The following PMPCA variants were observed in gnomAD, a reference collection of about 807,000 sequenced individuals.
The protein encoded by PMPCA is mitochondrial-processing peptidase subunit alpha.
In PMPCA, 47 loss-of-function variants were observed where a neutral mutation model predicts 59.3. That is an observed-to-expected ratio of 0.79 (90% confidence interval 0.63 to 1.01). The LOEUF (loss-of-function observed/expected upper bound fraction) is 1.01. PMPCA is among the 50% of genes least tolerant of loss of function. The pLI is 0.00. For missense variants in PMPCA, 726 were observed against 704.5 expected (o/e 1.03, Z -0.34); for synonymous variants, 338 against 290.3 (o/e 1.16, Z -1.67).
rs1167805415 is a variant in PMPCA at position 136,418,054 on chromosome 9, C to T, written c.935C>T (p.Thr312Ile). The change falls in exon 8 of 13, where the codon ACC becomes ATC. Residue 312 changes from threonine to isoleucine, a missense_variant. By Grantham distance (89) the Thr-to-Ile change is moderately conservative. Coordinates refer to ENST00000371717, the MANE Select transcript of PMPCA (RefSeq NM_015160.3). ...RDMSNVSLGPTPIPELTHIMV... is the reference protein window; with the variant it reads ...RDMSNVSLGPIPIPELTHIMV... Reference sequence around the variant, plus strand: ...ATGTCCAATGTCAGCCTGGGCCCGACCCCCATCCCCGAGCTCACGCACATC... The same window carrying T: ...ATGTCCAATGTCAGCCTGGGCCCGATCCCCATCCCCGAGCTCACGCACATC... 1.2e-5 allele frequency: 19 copies of T among 1,613,740 alleles called. No individual in the cohort carries two copies. The highest frequency in any genetic ancestry group is 1.6e-5 in the Non-Finnish European group (19 of 1,179,586).
chr9:136,418,742 C>T (rs558142889), intron 9 of PMPCA, 69 bp downstream of exon 9: 1 of 1,489,550 alleles, frequency 6.7e-7, no homozygotes, highest in Admixed American at 1.7e-5. Context: ...GACCATGAGG[C>T]CACCTTCCAG....
In PMPCA at chr9:136,418,903, C is replaced by T. The variant is rs763185385; in HGVS notation, c.1185C>T (p.Ser395=). 6.2e-6 allele frequency: 10 copies of T among 1,613,528 alleles called. No individual in the cohort carries two copies. The highest frequency in any genetic ancestry group is 3.3e-5 in the South Asian group (3 of 91,088). The stretch of plus-strand genomic sequence containing the variant: ...CTGGCCTCCTTTGCATCCATGCCAG[C>T]GCCGACCCAAGACAGGTGAGGGCCC... ...EDTGLLCIHA[S]ADPRQVREMV... is the part of the protein sequence containing the mutation. The change falls in exon 10 of 13, where the codon AGC becomes AGT. Residue 395 remains serine (S), a synonymous_variant. Transcript: ENST00000371717.
At chr9:136,417,528 A>G (rs1835315971) in intron 7 of PMPCA, among the ~76,000 whole-genome samples, 1 of 149,256 alleles carries the variant, frequency 6.7e-6, no homozygotes, top group Admixed American at 6.7e-5. Context: ...GCTGGAGTGC[A>G]GTGGTGCAAT....
intron 4 of PMPCA, 93 bp downstream of exon 4, chr9:136,412,985 G>C: frequency 2.5e-6 from 2 of 785,346 alleles, no homozygotes; most frequent in Middle Eastern, 4.9e-4. Context: ...CTCCCAGCGG[G>C]AGGTGTGGAG....
intron 9 of PMPCA, 65 bp downstream of exon 9, chr9:136,418,738 G>C: frequency 2.0e-6 from 3 of 1,494,716 alleles, no homozygotes; most frequent in Non-Finnish European, 2.8e-6. Flanking sequence ...TTTGGACCAT[G>C]AGGCCACCTT....
Position 136,418,157 on chromosome 9 carries a change from G to A in PMPCA, c.990+48G>A, listed in dbSNP as rs368061249. 3.6e-5 allele frequency: 48 copies of A among 1,346,358 alleles called. No individual in the cohort carries two copies. The African/African-American group carries it at 4.1e-4, about 12-fold the overall frequency. 83.4% of individuals were successfully genotyped at this position (1,346,358 alleles called of 1,614,324 possible). A position where few individuals can be genotyped will look rare whatever the true frequency, so the allele number is the denominator to read the frequency against. The stretch of plus-strand genomic sequence containing the variant: ...ATGGCGTTCCTGATGCAGTGTGGCC[G>A]GCTCAGCCAGCCCTGCCCTCTGTCC... On this transcript the variant is annotated intron_variant, in intron 8 of 12. Transcript: ENST00000371717.
rs374916460 is a variant in PMPCA at position 136,412,071 on chromosome 9, C to T, written c.146C>T (p.Pro49Leu). 77 of 1,613,096 alleles carry T rather than the reference C, an allele frequency of 4.8e-5. No homozygotes were observed. Among genetic ancestry groups the T allele is most frequent in the Non-Finnish European group, 6.2e-5 (73 of 1,179,190 alleles). ...YPNIPLSSPL[P>L]GVPKPVFATV... ...AACATCCCCCTCTCTTCTCCCTTAC[C>T]TGGAGTACCCAAGCCTGTTTTTGCT... Residue 49 changes from proline to leucine, a missense_variant, in exon 2 of 13, where the codon CCT becomes CTT. Pro to Leu is a moderately conservative substitution (Grantham distance 98). Transcript: ENST00000371717.
At chr9:136,421,741 GCA>G in intron 11 of PMPCA, 89 bp from the exon 12 acceptor site, 1 of 1,240,168 alleles carries the variant, frequency 8.1e-7, no homozygotes, top group East Asian at 2.4e-5. Flanking sequence ...TCAGCTTTGG[GCA>G]CAGAGATGGC....
intron 3 of PMPCA, 102 bp downstream of exon 3, chr9:136,412,671 G>A (rs1024357445): frequency 1.0e-5 from 8 of 783,094 alleles, no homozygotes; most frequent in Admixed American, 4.6e-5. Context: ...AAGTTGCTAA[G>A]TTAATGTTAA....
In PMPCA at chr9:136,423,192, G is replaced by T. The variant is rs770892923; in HGVS notation, c.1506G>T (p.Thr502=). 1.2e-6 allele frequency: 2 copies of T among 1,613,756 alleles called. No homozygotes were observed. Among genetic ancestry groups the T allele is most frequent in the South Asian group, 1.1e-5 (1 of 91,084 alleles). ...TGGGTGACCTGACTGACCTGCCCAC[G>T]TATGAGCACATCCAGACCGCCCTGT... ...AALGDLTDLP[T]YEHIQTALSS... The change falls in exon 13 of 13, where the codon ACG becomes ACT. Residue 502 remains threonine (T), a synonymous_variant. Coordinates refer to ENST00000371717, the MANE Select transcript of PMPCA (RefSeq NM_015160.3).
chr9:136,423,372 G>T lies in PMPCA; in HGVS notation c.*108G>T. On this transcript the variant is annotated 3_prime_UTR_variant, in exon 13 of 13. Coordinates refer to ENST00000371717, the MANE Select transcript of PMPCA (RefSeq NM_015160.3). ...TAAAAAGCTGTCTGGTTGTATAAACGGTGCAAACAATGTCGCCACAGCACC... is the reference window on the plus strand; with the variant it reads ...TAAAAAGCTGTCTGGTTGTATAAACTGTGCAAACAATGTCGCCACAGCACC... 1 of 1,158,842 alleles carries T rather than the reference G, an allele frequency of 8.6e-7. No homozygotes were observed. The highest frequency in any genetic ancestry group is 1.2e-6 in the Non-Finnish European group (1 of 833,746). 71.8% of individuals were successfully genotyped at this position (1,158,842 alleles called of 1,614,324 possible).
intron 8 of PMPCA, among the ~76,000 whole-genome samples, 163 bp from the exon 9 acceptor site, chr9:136,418,392 G>T (rs928274029): frequency 6.8e-6 from 1 of 147,858 alleles, no homozygotes; most frequent in South Asian, 2.2e-4. Context: ...CTCCTGACGC[G>T]GCATGGGTGG....
intron 12 of PMPCA, 102 bp downstream of exon 12, chr9:136,422,078 C>T (rs530295015): frequency 1.3e-6 from 2 of 1,547,208 alleles, no homozygotes; most frequent in East Asian, 2.5e-5. Flanking sequence ...GTGGTATGTC[C>T]ATCACACCCA....
chr9:136,419,416 ACT>A (rs371051416), intron 11 of PMPCA: 7 of 494,300 alleles, frequency 1.4e-5, no homozygotes, highest in East Asian at 3.6e-5. Context: ...TGACCATGTG[ACT>A]CTCTCAGCTT....
chr9:136,417,518 G>A (rs113033008), intron 7 of PMPCA, among the ~76,000 whole-genome samples: 5,106 of 151,258 alleles, frequency 0.034, 116 homozygotes, highest in East Asian at 0.096. Context: ...TGTCACCCAG[G>A]CTGGAGTGCA....
chr9:136,410,761 C>T (rs1360449656), intron 1 of PMPCA, 22 bp downstream of exon 1: 1 of 1,394,210 alleles, frequency 7.2e-7, no homozygotes, highest in Non-Finnish European at 9.3e-7. Flanking sequence ...GCGAACCAGG[C>T]TTCGGCCTGG....
chr9:136,415,459 A>G (rs1835247631), intron 5 of PMPCA, among the ~76,000 whole-genome samples: 4 of 152,202 alleles, frequency 2.6e-5, no homozygotes, highest in Admixed American at 2.6e-4. Flanking sequence ...AGCCTTGCAG[A>G]TGGCAGGACT....
chr9:136,421,773 G>A lies in PMPCA; in HGVS notation c.1264-59G>A, dbSNP rs577079692. The A allele has an allele frequency of 9.6e-4, 1,412 of 1,467,904 alleles. 34 individuals are homozygous for A. In the South Asian group the frequency reaches 0.018, roughly 18 times the overall value. 90.9% of individuals were successfully genotyped at this position (1,467,904 alleles called of 1,614,324 possible). A position where few individuals can be genotyped will look rare whatever the true frequency, so the allele number is the denominator to read the frequency against. ...GATGGCGTTTTGCCATTGCTCGAGT[G>A]GGGGGTGGAAGGTGGCACGGGGCGG... On this transcript the variant is annotated intron_variant, in intron 11 of 12. Coordinates refer to ENST00000371717, the MANE Select transcript of PMPCA (RefSeq NM_015160.3).
At position 136,412,271 on chromosome 9, in the gene PMPCA, G is replaced by GTAAT. The variant is rs1056646147; in HGVS notation, c.274+75_274+78dup. ...CACATGCTTTAGTTGACTGTTAGTT[G>GTAAT]TAATTAGCATGCCAATTATGAATTG... On this transcript the variant is annotated intron_variant, in intron 2 of 12. Transcript: ENST00000371717. 6.3e-6 allele frequency: 7 copies of GTAAT among 1,110,370 alleles called. No homozygotes were observed. The African/African-American group carries it at 1.1e-4, about 17-fold the overall frequency. The allele number at this position is 1,110,370 out of a possible 1,614,324, so 68.8% of individuals were successfully genotyped here.
Sources: gnomAD v4.1 joint callset for allele counts (sites outside exome capture counted in the v4.1 genomes callset) on GRCh38, gnomAD v4.1.1 for gene constraint, MANE v1.5 for transcripts, NCBI Gene and HGNC (gene_info 2026-07-23, HGNC 2026-07-21) for gene names.